The following PLCB4 variants were observed in gnomAD, a reference collection of about 807,000 sequenced individuals.
PLCB4 encodes 1-phosphatidylinositol 4,5-bisphosphate phosphodiesterase beta-4.
PLCB4 carries 77 observed loss-of-function variants against 178.8 expected under a neutral mutation model. The ratio of observed to expected loss-of-function variants is 0.43; its 90% CI spans 0.36 to 0.52. The LOEUF (loss-of-function observed/expected upper bound fraction) is 0.52. Ranked by LOEUF, PLCB4 falls within the 20% of genes least tolerant of loss-of-function variation. The pLI is 0.00. For synonymous variants in PLCB4, 496 were observed against 490.8 expected, an observed-to-expected ratio of 1.01 and a Z score of -0.14; for missense variants, 1,024 against 1,453.4, an observed-to-expected ratio of 0.70 and a Z score of 4.80.
intron 1 of PLCB4, among the ~76,000 whole-genome samples, chr20:9,091,192 C>G (rs1426896256): frequency 6.8e-6 from 1 of 147,598 alleles, no homozygotes; most frequent in Admixed American, 6.9e-5. Context: ...TTTATCATTT[C>G]TAGGTCATAC....
chr20:9,416,949 T>C (rs1407585033), intron 25 of PLCB4, among the ~76,000 whole-genome samples: 1 of 152,170 alleles, frequency 6.6e-6, no homozygotes, highest in African/African-American at 2.4e-5. Context: ...AAAAGTGACA[T>C]TAAACTTTAA....
In PLCB4 at chr20:9,338,885, T is replaced by C; in HGVS notation, c.226-9T>C. 6.2e-7 allele frequency: 1 copy of C among 1,611,632 alleles called. No individual in the cohort carries two copies. Among genetic ancestry groups the C allele is most frequent in the Non-Finnish European group, 8.5e-7 (1 of 1,178,138 alleles). Reference sequence around the variant, plus strand: ...TTATTTTTTTTTCTATCTGTGTACCTCTATACAGGATCCCAAAATCTTGGC... The same window carrying C: ...TTATTTTTTTTTCTATCTGTGTACCCCTATACAGGATCCCAAAATCTTGGC... On this transcript the variant is annotated splice_polypyrimidine_tract_variant and intron_variant, in intron 6 of 39. Coordinates refer to ENST00000378473, the MANE Select transcript of PLCB4 (RefSeq NM_001377142.1).
chr20:9,277,166 G>A (rs530401659), intron 3 of PLCB4, among the ~76,000 whole-genome samples: 187 of 152,110 alleles, frequency 1.2e-3, no homozygotes, highest in African/African-American at 4.3e-3. Flanking sequence ...TAGCTACAGG[G>A]TATAACCACT....
intron 2 of PLCB4, among the ~76,000 whole-genome samples, chr20:9,140,404 CT>C (rs1163164603): frequency 1.3e-5 from 2 of 152,124 alleles, no homozygotes; most frequent in Non-Finnish European, 2.9e-5. Flanking sequence ...TTCCTCAGGG[CT>C]GCAGTGGCCA....
chr20:9,435,937 T>C (rs1328257126), intron 29 of PLCB4, among the ~76,000 whole-genome samples: 1 of 152,200 alleles, frequency 6.6e-6, no homozygotes, highest in Non-Finnish European at 1.5e-5. Context: ...TGGGAAAGTT[T>C]AAAATGTAGG....
intron 2 of PLCB4, among the ~76,000 whole-genome samples, chr20:9,131,856 T>G (rs1467202558): frequency 6.6e-6 from 1 of 152,168 alleles, no homozygotes; most frequent in Non-Finnish European, 1.5e-5. Context: ...TGGGCTTGTT[T>G]TCTTGGAATG....
chr20:9,097,081 C>T (rs961705436), intron 2 of PLCB4, among the ~76,000 whole-genome samples: 13 of 151,784 alleles, frequency 8.6e-5, no homozygotes, highest in African/African-American at 3.1e-4. Flanking sequence ...TCTATAGGTG[C>T]CCGCCACCAC....
chr20:9,221,110 G>A (rs987686581), intron 3 of PLCB4, among the ~76,000 whole-genome samples: 3 of 152,124 alleles, frequency 2.0e-5, no homozygotes, highest in Admixed American at 6.5e-5. Flanking sequence ...AGTGAGTGGG[G>A]GAAGGGAAGG....
At chr20:9,090,066 G>T (rs2090606625) in intron 1 of PLCB4, among the ~76,000 whole-genome samples, 1 of 152,166 alleles carries the variant, frequency 6.6e-6, no homozygotes, top group South Asian at 2.1e-4. Flanking sequence ...GCTATGGCCT[G>T]ATAGTGTCTT....
chr20:9,448,991 A>G (rs553192128), intron 32 of PLCB4, among the ~76,000 whole-genome samples: 1 of 152,280 alleles, frequency 6.6e-6, no homozygotes, highest in Admixed American at 6.5e-5. Flanking sequence ...GGATATAAAA[A>G]TGCTCATTAA....
intron 35 of PLCB4, among the ~76,000 whole-genome samples, chr20:9,468,367 T>C (rs2043948799): frequency 6.6e-6 from 1 of 152,190 alleles, no homozygotes; most frequent in Admixed American, 6.5e-5. Flanking sequence ...TTTCCATGCT[T>C]AAATTATGTC....
intron 2 of PLCB4, among the ~76,000 whole-genome samples, chr20:9,162,195 C>T (rs554886122): frequency 2.6e-5 from 4 of 152,258 alleles, no homozygotes; most frequent in Admixed American, 2.0e-4. Flanking sequence ...CCCTTGTTCC[C>T]TGAAACAATG....
chr20:9,435,677 C>A, intron 29 of PLCB4, 29 bp downstream of exon 29: 3 of 1,300,774 alleles, frequency 2.3e-6, no homozygotes, highest in African/African-American at 1.5e-5. Flanking sequence ...TTAAAGGTGG[C>A]CAAGTTGTGG....
At chr20:9,090,420 C>A (rs1405315246) in intron 1 of PLCB4, among the ~76,000 whole-genome samples, 1 of 151,046 alleles carries the variant, frequency 6.6e-6, no homozygotes, top group Admixed American at 6.6e-5. Context: ...AGATAACTAA[C>A]TAATAGAAAG....
chr20:9,337,986 G>A, intron 5 of PLCB4, 22 bp from the exon 6 acceptor site: 2 of 1,596,538 alleles, frequency 1.3e-6, no homozygotes, highest in Non-Finnish European at 1.7e-6. Context: ...GCTCATTGCT[G>A]TGTTGTATTC....
At chr20:9,108,156 A>G (rs114835911) in intron 2 of PLCB4, among the ~76,000 whole-genome samples, 1 of 152,208 alleles carries the variant, frequency 6.6e-6, no homozygotes, top group Non-Finnish European at 1.5e-5. Flanking sequence ...TAGGTGTCCA[A>G]AATGAAGACA....
chr20:9,436,720 G>T (rs1193374934), intron 29 of PLCB4, among the ~76,000 whole-genome samples: 1 of 152,168 alleles, frequency 6.6e-6, no homozygotes, highest in Non-Finnish European at 1.5e-5. Flanking sequence ...TCCCATTCCA[G>T]TGCACACGTG....
Position 9,174,572 on chromosome 20 carries a change from G to A in PLCB4, c.-78-42818G>A, listed in dbSNP as rs551889507. ...AATTAAGATGTTTCTTCCCTCCTTG[G>A]TCCCTTGACTATTAAGCTCTTTAAA... On this transcript the variant is annotated intron_variant, in intron 2 of 39. Coordinates refer to ENST00000378473, the MANE Select transcript of PLCB4 (RefSeq NM_001377142.1). 2.0e-5 allele frequency among the ~76,000 whole-genome samples: 3 copies of A among 150,508 alleles called. No individual in the cohort carries two copies. The South Asian group carries it at 6.3e-4, about 32-fold the overall frequency.
chr20:9,098,592 C>T (rs562056100), intron 2 of PLCB4, among the ~76,000 whole-genome samples: 1 of 149,674 alleles, frequency 6.7e-6, no homozygotes, highest in Non-Finnish European at 1.5e-5. Context: ...GCAATTAATT[C>T]GAAGGATGTC....
Sources: allele counts gnomAD v4.1 joint callset (sites outside exome capture counted in the v4.1 genomes callset), GRCh38; gene constraint gnomAD v4.1.1; transcripts MANE v1.5; gene names NCBI Gene and HGNC (gene_info 2026-07-23, HGNC 2026-07-21).